Variants in MDGA2 observed in about 807,000 individuals in gnomAD.
MDGA2 encodes the protein MAM domain-containing glycosylphosphatidylinositol anchor protein 2.
In MDGA2, 40 loss-of-function variants were observed where a neutral mutation model predicts 117.8. The observed-to-expected ratio is 0.34, with a 90% CI of 0.26 to 0.44. MDGA2 has a LOEUF of 0.44. Among genes scored for constraint, MDGA2 ranks in the 20% least tolerant of loss-of-function variants. The probability of loss-of-function intolerance (pLI) is 1.00; values close to 1 mark genes in which losing one functional copy is unlikely to be tolerated. For synonymous variants in MDGA2, 452 were observed against 439.0 expected (o/e 1.03, Z -0.37); for missense variants, 1,123 against 1,250.6 (o/e 0.90, Z 1.54).
rs1291737559 is a variant in MDGA2 at position 47,053,621 on chromosome 14, A to G, written c.1525+7628T>C. ...TATGTGTATATATATATATATATATATATATATATATATATATATATATAT... is the reference window on the plus strand; with the variant it reads ...TATGTGTATATATATATATATATATGTATATATATATATATATATATATAT... On this transcript the variant is annotated intron_variant, in intron 7 of 16. Transcript: ENST00000399232. 7.6e-4 allele frequency among the ~76,000 whole-genome samples: 57 copies of G among 74,562 alleles called. 5 individuals are homozygous for G. The Middle Eastern group carries it at 0.019, about 25-fold the overall frequency. The allele number at this position is 74,562 out of a possible 152,430, so 48.9% of individuals were successfully genotyped here. A position where few individuals can be genotyped will look rare whatever the true frequency, so the allele number is the denominator to read the frequency against.
chr14:47,193,709 G>C (rs17118148), intron 3 of MDGA2, among the ~76,000 whole-genome samples: 2,047 of 152,304 alleles, frequency 0.013, 21 homozygotes, highest in Non-Finnish European at 0.023. Flanking sequence ...AGGTGTCCTA[G>C]CCTGGATTCA....
intron 9 of MDGA2, among the ~76,000 whole-genome samples, chr14:46,933,799 A>AATATATATATATAT (rs34723414): frequency 1.1e-5 from 1 of 87,278 alleles, no homozygotes; most frequent in Non-Finnish European, 2.3e-5. Context: ...TTATGTAACA[A>AATATATATATATAT]ATATATATAT....
intron 8 of MDGA2, among the ~76,000 whole-genome samples, chr14:46,993,185 CT>C (rs1887158345): frequency 6.6e-6 from 1 of 151,916 alleles, no homozygotes; most frequent in South Asian, 2.1e-4. Flanking sequence ...GCGAGGTATG[CT>C]TTTAATAAAA....
intron 11 of MDGA2, among the ~76,000 whole-genome samples, chr14:46,881,680 G>A (rs550644602): frequency 9.2e-5 from 14 of 151,968 alleles, no homozygotes; most frequent in Admixed American, 3.3e-4. Flanking sequence ...TTAAAAAACA[G>A]AAAATGAATT....
chr14:47,295,827 C>A (rs1028715042), intron 2 of MDGA2, among the ~76,000 whole-genome samples: 1 of 151,942 alleles, frequency 6.6e-6, no homozygotes, highest in Non-Finnish European at 1.5e-5. Context: ...TCACTTGAAC[C>A]CAAGAGGCGG....
At chr14:47,314,438 G>A (rs1225940069) in intron 1 of MDGA2, among the ~76,000 whole-genome samples, 1 of 152,076 alleles carries the variant, frequency 6.6e-6, no homozygotes, top group Non-Finnish European at 1.5e-5. Flanking sequence ...CGCACTTTTG[G>A]AAGCTGAGGC....
chr14:47,507,908 A>G (rs1894549539), intron 1 of MDGA2, among the ~76,000 whole-genome samples: 1 of 152,214 alleles, frequency 6.6e-6, no homozygotes, highest in Non-Finnish European at 1.5e-5. Flanking sequence ...GGGACTGAAA[A>G]AACGACTGCA....
chr14:47,269,733 G>A (rs1382896254), intron 2 of MDGA2, among the ~76,000 whole-genome samples: 1 of 152,100 alleles, frequency 6.6e-6, no homozygotes, highest in Non-Finnish European at 1.5e-5. Context: ...TTTCAAGTTT[G>A]TGACATCTTT....
intron 1 of MDGA2, among the ~76,000 whole-genome samples, chr14:47,412,781 A>C (rs1384554520): frequency 6.6e-6 from 1 of 152,178 alleles, no homozygotes; most frequent in Non-Finnish European, 1.5e-5. Flanking sequence ...GATGCTATTG[A>C]GGTACACACA....
intron 3 of MDGA2, among the ~76,000 whole-genome samples, chr14:47,152,983 C>A (rs1330295531): frequency 6.6e-6 from 1 of 152,186 alleles, no homozygotes; most frequent in Non-Finnish European, 1.5e-5. Flanking sequence ...ACACATAAAG[C>A]TCTGAGATAT....
rs1477357010 is a variant in MDGA2, at chr14:47,609,428, C to CACATATATATATATATATATATATATAT, written c.280+65088_280+65089insATATATATATATATATATATATATATGT. Among the ~76,000 whole-genome samples, 7 of 17,558 alleles carry CACATATATATATATATATATATATATAT rather than the reference C, an allele frequency of 4.0e-4. 1 individual carries two copies. Among genetic ancestry groups the CACATATATATATATATATATATATATAT allele is most frequent in the Non-Finnish European group, 6.9e-4 (5 of 7,204 alleles). 11.5% of individuals were successfully genotyped at this position (17,558 alleles called of 152,430 possible). ...TTTCTATGGCTGAGTAGTATTCCAT[C>CACATATATATATATATATATATATATAT]ATATATATATATATATATATATATA... On this transcript the variant is annotated intron_variant, in intron 1 of 16. Transcript: ENST00000399232.
chr14:47,436,079 C>A (rs926708847), intron 1 of MDGA2, among the ~76,000 whole-genome samples: 1 of 151,916 alleles, frequency 6.6e-6, no homozygotes, highest in Non-Finnish European at 1.5e-5. Flanking sequence ...GCACCCAAAA[C>A]TTCAATAGTA....
rs1438953976 is a variant in MDGA2, at chr14:47,156,911, A to G, written c.596-12637T>C. ...TACTAATACAACTATATATGAATGC[A>G]CTATATGAGTGATAGCTCATAACAA... On this transcript the variant is annotated intron_variant, in intron 3 of 16. Coordinates refer to ENST00000399232, the MANE Select transcript of MDGA2 (RefSeq NM_001113498.3). Among the ~76,000 whole-genome samples, 3 of 152,206 alleles carry G rather than the reference A, an allele frequency of 2.0e-5. No individual in the cohort carries two copies. The East Asian group carries it at 5.8e-4, about 29-fold the overall frequency.
At chr14:47,268,075 CT>C (rs1292285880) in intron 2 of MDGA2, among the ~76,000 whole-genome samples, 444 of 142,998 alleles carry the variant, frequency 3.1e-3, no homozygotes, top group Middle Eastern at 7.2e-3. Context: ...TCCTTTTCTT[CT>C]TTTTTTTTTT....
chr14:47,541,316 T>C (rs1292866700), intron 1 of MDGA2, among the ~76,000 whole-genome samples: 1 of 152,072 alleles, frequency 6.6e-6, no homozygotes, highest in African/African-American at 2.4e-5. Flanking sequence ...ACAAGAAGAA[T>C]CCAAAAATAA....
chr14:47,096,993 A>C lies in MDGA2; in HGVS notation c.1056T>G (p.Thr352=). The C allele has an allele frequency of 6.2e-7, 1 of 1,613,426 alleles. No homozygotes were observed. Among genetic ancestry groups the C allele is most frequent in the Non-Finnish European group, 8.5e-7 (1 of 1,179,524 alleles). ...PSLTWVRSFG[T]LPEKTVLNGG... is the part of the protein sequence containing the mutation. ...CATTCAAAACAGTCTTTTCAGGCAG[A>C]GTCCCAAAGGACCTGACCCAGGTGA... Residue 352 remains threonine, a synonymous_variant, in exon 6 of 17, where the codon ACT becomes ACG. Coordinates refer to ENST00000399232, the MANE Select transcript of MDGA2 (RefSeq NM_001113498.3).
At chr14:47,127,039 A>T (rs1297611156) in intron 5 of MDGA2, among the ~76,000 whole-genome samples, 1 of 152,194 alleles carries the variant, frequency 6.6e-6, no homozygotes, top group Non-Finnish European at 1.5e-5. Context: ...CATTGAAAGA[A>T]TAATTTCTAA....
chr14:47,515,997 G>A (rs896482424), intron 1 of MDGA2, among the ~76,000 whole-genome samples: 3 of 152,090 alleles, frequency 2.0e-5, no homozygotes, highest in Non-Finnish European at 4.4e-5. Flanking sequence ...ATATCAAAGA[G>A]AATGAGACTC....
intron 1 of MDGA2, among the ~76,000 whole-genome samples, chr14:47,642,363 T>C (rs1263740490): frequency 6.6e-6 from 1 of 152,134 alleles, no homozygotes; most frequent in East Asian, 1.9e-4. Context: ...TGAACAAATA[T>C]GTATACATTT....
Sources: allele counts gnomAD v4.1 joint callset (sites outside exome capture counted in the v4.1 genomes callset), GRCh38; gene constraint gnomAD v4.1.1; transcripts MANE v1.5; gene names NCBI Gene and HGNC (gene_info 2026-07-23, HGNC 2026-07-21).